The following TOMM70 variants were observed in gnomAD, a reference collection of about 807,000 sequenced individuals.
TOMM70 encodes the protein mitochondrial import receptor subunit TOM70.
In TOMM70, 13 loss-of-function variants were observed where a neutral mutation model predicts 73.6. The ratio of observed to expected loss-of-function variants is 0.18; its 90% CI spans 0.11 to 0.28. The LOEUF is 0.28. TOMM70 is among the 10% of genes least tolerant of loss of function. The pLI, the probability that TOMM70 is intolerant of heterozygous loss-of-function variation, is 1.00. For missense variants in TOMM70, 609 were observed against 747.5 expected, an observed-to-expected ratio of 0.81 and a Z score of 2.16; for synonymous variants, 257 against 271.2, an observed-to-expected ratio of 0.95 and a Z score of 0.51.
intron 10 of TOMM70, among the ~76,000 whole-genome samples, chr3:100,368,727 A>C (rs1322054325): frequency 6.6e-6 from 1 of 152,100 alleles, no homozygotes; most frequent in Non-Finnish European, 1.5e-5. Context: ...GGCATGTGCC[A>C]CCACACCTGG....
rs1706432776 is a variant in TOMM70 at position 100,365,099 on chromosome 3, C to A, written c.*465G>T. On this transcript the variant is annotated 3_prime_UTR_variant, in exon 12 of 12. Transcript: ENST00000284320. ...TCCCCCATTTAACCTTTGTTTCTTT[C>A]AAAAAATCAACTGAAAGCGGTTAAC... 6.5e-6 allele frequency: 1 copy of A among 153,070 alleles called. No individual in the cohort carries two copies. The highest frequency in any genetic ancestry group is 2.4e-5 in the African/African-American group (1 of 41,430). 9.5% of individuals were successfully genotyped at this position (153,070 alleles called of 1,614,324 possible).
At chr3:100,373,148 A>G (rs934300387) in intron 8 of TOMM70, among the ~76,000 whole-genome samples, 4 of 151,928 alleles carry the variant, frequency 2.6e-5, no homozygotes, top group African/African-American at 4.8e-5. Context: ...TACTTAAAAA[A>G]AAAAAAAAAA....
At chr3:100,367,773 T>C (rs1000243281) in intron 11 of TOMM70, among the ~76,000 whole-genome samples, 1 of 152,192 alleles carries the variant, frequency 6.6e-6, no homozygotes, top group South Asian at 2.1e-4. Flanking sequence ...CTTATCCAAC[T>C]CTGATTTTAA....
intron 1 of TOMM70, among the ~76,000 whole-genome samples, chr3:100,393,694 A>C (rs1043107942): frequency 2.0e-5 from 3 of 150,186 alleles, no homozygotes; most frequent in Admixed American, 6.6e-5. Flanking sequence ...TCTTAATGAC[A>C]TGAAATCTAC....
At chr3:100,386,129 C>A (rs1247474657) in intron 3 of TOMM70, 89 bp downstream of exon 3, 18 of 1,420,772 alleles carry the variant, frequency 1.3e-5, no homozygotes, top group South Asian at 7.3e-5. Context: ...ACAACTGATT[C>A]TTGCACTCAC....
intron 4 of TOMM70, among the ~76,000 whole-genome samples, chr3:100,383,471 C>T (rs1706658366): frequency 6.9e-6 from 1 of 145,176 alleles, no homozygotes; most frequent in Admixed American, 7.1e-5. Context: ...TGCAGTGAGC[C>T]AAGATAGCAA....
chr3:100,365,290 C>A lies in TOMM70; in HGVS notation c.*274G>T. On this transcript the variant is annotated 3_prime_UTR_variant, in exon 12 of 12. Transcript: ENST00000284320. Reference sequence around the variant, plus strand: ...ACAAATCAGTTTTTATTTGCATGGCCAATTATCATTTGTACTCTTTGCAAC... The same window carrying A: ...ACAAATCAGTTTTTATTTGCATGGCAAATTATCATTTGTACTCTTTGCAAC... 1 of 338,628 alleles carries A rather than the reference C, an allele frequency of 3.0e-6. No homozygotes were observed. Among genetic ancestry groups the A allele is most frequent in the East Asian group, 4.8e-5 (1 of 20,786 alleles). 21.0% of individuals were successfully genotyped at this position (338,628 alleles called of 1,614,324 possible).
intron 1 of TOMM70, 91 bp downstream of exon 1, chr3:100,400,535 G>T: frequency 6.9e-7 from 1 of 1,444,754 alleles, no homozygotes; most frequent in Non-Finnish European, 9.5e-7. Flanking sequence ...GGCAGCTTCC[G>T]TCTGATGGGA....
At chr3:100,385,503 T>G (rs985328148) in intron 3 of TOMM70, among the ~76,000 whole-genome samples, 15 of 152,238 alleles carry the variant, frequency 9.9e-5, no homozygotes, top group African/African-American at 3.6e-4. Flanking sequence ...CAGACAAATA[T>G]ATTAAGTGGA....
At position 100,365,955 on chromosome 3, in the gene TOMM70, C is replaced by T. The variant is rs193105680; in HGVS notation, c.1674-238G>A. ...ATTGAAAGCACTCAATGAATGTCAA[C>T]TACTATTACAAATACTATGTGCTTA... On this transcript the variant is annotated intron_variant, in intron 11 of 11. Coordinates refer to ENST00000284320, the MANE Select transcript of TOMM70 (RefSeq NM_014820.5). Among the ~76,000 whole-genome samples, 289 of 152,326 alleles carry T rather than the reference C, an allele frequency of 1.9e-3. 1 individual carries two copies. The highest frequency in any genetic ancestry group is 6.5e-3 in the African/African-American group (272 of 41,574).
intron 1 of TOMM70, among the ~76,000 whole-genome samples, chr3:100,395,629 T>G (rs1004326496): frequency 6.6e-6 from 1 of 151,624 alleles, no homozygotes; most frequent in Non-Finnish European, 1.5e-5. Flanking sequence ...GCTGGAAAAT[T>G]TGAAAAATAT....
chr3:100,387,028 CAG>C (rs1706699713), intron 1 of TOMM70, 50 bp from the exon 2 acceptor site: 1 of 1,564,640 alleles, frequency 6.4e-7, no homozygotes, highest in Non-Finnish European at 8.7e-7. Flanking sequence ...TTCACAGACT[CAG>C]ACCACAGTAA....
intron 4 of TOMM70, among the ~76,000 whole-genome samples, chr3:100,383,569 TA>T (rs1706660271): frequency 6.7e-6 from 1 of 149,634 alleles, no homozygotes; most frequent in East Asian, 1.9e-4. Flanking sequence ...CTACAGCCAC[TA>T]CAGCTATACC....
At chr3:100,387,228 C>T (rs568361962) in intron 1 of TOMM70, among the ~76,000 whole-genome samples, 73 of 152,280 alleles carry the variant, frequency 4.8e-4, no homozygotes, top group Admixed American at 2.8e-3. Context: ...GGGTGGATCA[C>T]TTGAGGCCAG....
Position 100,401,044 on chromosome 3 carries a change from A to G in TOMM70, c.-95T>C, listed in dbSNP as rs1706896669. The G allele has an allele frequency of 6.1e-6, 8 of 1,314,214 alleles. No homozygotes were observed. The highest frequency in any genetic ancestry group is 8.4e-6 in the Non-Finnish European group (8 of 956,308). 81.4% of individuals were successfully genotyped at this position (1,314,214 alleles called of 1,614,324 possible). ...AAGACCGAGGGAGGGAAGGAAAGCA[A>G]TGAGCGAGCGAGCACGCTAGGCAGA... On this transcript the variant is annotated 5_prime_UTR_variant, in exon 1 of 12. Coordinates refer to ENST00000284320, the MANE Select transcript of TOMM70 (RefSeq NM_014820.5).
At chr3:100,381,532 T>A (rs903402787) in intron 5 of TOMM70, 83 bp downstream of exon 5, 4 of 1,179,950 alleles carry the variant, frequency 3.4e-6, no homozygotes, top group Non-Finnish European at 4.5e-6. Flanking sequence ...TGTTGTGAGA[T>A]GGCTCAGAAC....
chr3:100,364,141 A>C lies in TOMM70; in HGVS notation c.*1423T>G, dbSNP rs1706422728. 6.6e-6 allele frequency: 1 copy of C among 152,186 alleles called. No individual in the cohort carries two copies. The highest frequency in any genetic ancestry group is 2.4e-5 in the African/African-American group (1 of 41,430). The allele number at this position is 152,186 out of a possible 1,614,324, so 9.4% of individuals were successfully genotyped here. A position where few individuals can be genotyped will look rare whatever the true frequency, so the allele number is the denominator to read the frequency against. ...CAGAAAAATCTAGCATATAAGCAAA[A>C]GGATGGTCTATAAAAGTGGAAAATG... On this transcript the variant is annotated 3_prime_UTR_variant, in exon 12 of 12. Transcript: ENST00000284320.
Position 100,400,636 on chromosome 3 carries a change from T to A in TOMM70, c.314A>T (p.His105Leu). Reference sequence around the variant, plus strand: ...GGGGCTGCTTCTCACCATGTCCAAGTGAGCACCGGGACCTTCAGGGTGTCC... The same window carrying A: ...GGGGCTGCTTCTCACCATGTCCAAGAGAGCACCGGGACCTTCAGGGTGTCC... ...GSGHPEGPGA[H>L]LDMNSLDRAQ... Residue 105 changes from histidine (H) to leucine (L), a missense_variant, in exon 1 of 12, where the codon CAC becomes CTC. His to Leu is a moderately conservative substitution (Grantham distance 99). This residue lies in a region of TOMM70 where 177 missense variants were observed against 163.5 expected (regional missense o/e 1.08). Transcript: ENST00000284320. 6.2e-7 allele frequency: 1 copy of A among 1,612,030 alleles called. No individual in the cohort carries two copies. Among genetic ancestry groups the A allele is most frequent in the Non-Finnish European group, 8.5e-7 (1 of 1,179,504 alleles).
intron 4 of TOMM70, 44 bp downstream of exon 4, chr3:100,384,435 A>G (rs1706668093): frequency 7.3e-7 from 1 of 1,372,634 alleles, no homozygotes; most frequent in Non-Finnish European, 1.0e-6. Flanking sequence ...TACCCTTCAC[A>G]ATGTACACAG....
Sources: allele counts gnomAD v4.1 joint callset (sites outside exome capture counted in the v4.1 genomes callset), GRCh38; gene constraint gnomAD v4.1.1; regional missense constraint gnomAD v4.1.1; transcripts MANE v1.5; gene names NCBI Gene and HGNC (gene_info 2026-07-23, HGNC 2026-07-21).